EYS: variants seen among roughly 807,000 people sequenced by gnomAD.
The protein encoded by EYS is protein eyes shut homolog.
Under a neutral mutation model 282.1 loss-of-function variants are expected in EYS, and 250 were observed. The observed-to-expected ratio is 0.89, with a 90% CI of 0.80 to 0.98. The LOEUF is 0.98. Among genes scored for constraint, EYS ranks in the 50% least tolerant of loss-of-function variants. The probability of loss-of-function intolerance (pLI) is 0.00; values close to 1 mark genes in which losing one functional copy is unlikely to be tolerated. For synonymous variants in EYS, 1,355 were observed against 1,282.9 expected, an observed-to-expected ratio of 1.06 and a Z score of -1.20; for missense variants, 4,016 against 3,709.0, an observed-to-expected ratio of 1.08 and a Z score of -2.15.
intron 2 of EYS, among the ~76,000 whole-genome samples, chr6:65,540,110 A>G (rs1171453191): frequency 6.6e-6 from 1 of 152,240 alleles, no homozygotes; most frequent in Non-Finnish European, 1.5e-5. Flanking sequence ...AGTTTTTAAC[A>G]GAATCGTAAA....
chr6:64,752,414 G>C (rs1772787946), intron 22 of EYS, among the ~76,000 whole-genome samples: 1 of 152,054 alleles, frequency 6.6e-6, no homozygotes, highest in Non-Finnish European at 1.5e-5. Flanking sequence ...AAGAATTTCA[G>C]AGCTTGAAGA....
At position 63,720,989 on chromosome 6, in the gene EYS, A is replaced by G; in HGVS notation, c.9042T>C (p.His3014=). The G allele has an allele frequency of 6.4e-7, 1 of 1,551,374 alleles. No homozygotes were observed. Among genetic ancestry groups the G allele is most frequent in the Non-Finnish European group, 8.7e-7 (1 of 1,146,798 alleles). Residue 3014 remains histidine (H), a synonymous_variant, in exon 43 of 43, where the codon CAT becomes CAC. Coordinates refer to ENST00000503581, the MANE Select transcript of EYS (RefSeq NM_001142800.2). The part of the protein sequence containing the change: ...EENDFLAIGL[H]NQTLKIAVNL... ...TAACTGCTATTTTCAAGGTCTGATT[A>G]TGGAGACCAATTGCCAGAAAATCAT...
chr6:63,982,760 A>AG (rs1767160858), intron 35 of EYS, among the ~76,000 whole-genome samples: 1 of 151,694 alleles, frequency 6.6e-6, no homozygotes. Context: ...CAATAACAGG[A>AG]GGGGGATTGC....
At chr6:65,421,142 C>T (rs940064800) in intron 5 of EYS, among the ~76,000 whole-genome samples, 1 of 151,872 alleles carries the variant, frequency 6.6e-6, no homozygotes, top group Admixed American at 6.6e-5. Context: ...CTTTTCCTCT[C>T]TAGCTGTGAA....
chr6:65,630,541 G>A (rs980441777), intron 2 of EYS, among the ~76,000 whole-genome samples: 4 of 152,066 alleles, frequency 2.6e-5, no homozygotes, highest in African/African-American at 9.7e-5. Flanking sequence ...AAACTCAACA[G>A]CAATATTTTA....
chr6:64,627,132 T>A (rs1193384724), intron 22 of EYS, among the ~76,000 whole-genome samples: 1 of 152,216 alleles, frequency 6.6e-6, no homozygotes, highest in African/African-American at 2.4e-5. Context: ...AGATACAGAT[T>A]TGTCGAGTGC....
intron 26 of EYS, among the ~76,000 whole-genome samples, chr6:64,506,053 C>T (rs1777198782): frequency 6.6e-6 from 1 of 152,118 alleles, no homozygotes; most frequent in Non-Finnish European, 1.5e-5. Context: ...CATGCAATCT[C>T]CTGAAAATCT....
chr6:64,137,664 C>T (rs1377676381), intron 31 of EYS, among the ~76,000 whole-genome samples: 3 of 152,054 alleles, frequency 2.0e-5, no homozygotes, highest in Non-Finnish European at 2.9e-5. Flanking sequence ...GTTGGTGGAA[C>T]AGTCAGAACA....
intron 26 of EYS, among the ~76,000 whole-genome samples, chr6:64,511,214 C>T (rs1293043500): frequency 7.3e-6 from 1 of 136,328 alleles, no homozygotes; most frequent in Non-Finnish European, 1.5e-5. Context: ...GCCACCACAA[C>T]TCTCTCTCTA....
rs1310136002 is a variant in EYS, at chr6:64,218,137, C to T, written c.6424+12455G>A. Among the ~76,000 whole-genome samples the T allele has an allele frequency of 3.9e-5, 6 of 152,204 alleles. No individual in the cohort carries two copies. The East Asian group carries it at 7.7e-4, about 20-fold the overall frequency. ...TAGCATGATCTCTAGCAGCATGAGGCCCTGTCCCTAGGATGACCCCAGTTC... is the reference window on the plus strand; with the variant it reads ...TAGCATGATCTCTAGCAGCATGAGGTCCTGTCCCTAGGATGACCCCAGTTC... On this transcript the variant is annotated intron_variant, in intron 31 of 42. Transcript: ENST00000503581.
chr6:64,203,496 C>T (rs980389741), intron 31 of EYS, among the ~76,000 whole-genome samples: 6 of 152,222 alleles, frequency 3.9e-5, no homozygotes, highest in African/African-American at 1.4e-4. Context: ...TATTTGGGTC[C>T]CCTAAAGTAC....
intron 12 of EYS, among the ~76,000 whole-genome samples, chr6:65,262,063 A>T (rs960934037): frequency 6.6e-6 from 1 of 152,044 alleles, no homozygotes; most frequent in Non-Finnish European, 1.5e-5. Flanking sequence ...TCATGTTGAG[A>T]TTTATCCTGT....
chr6:64,156,395 C>T (rs972898545), intron 31 of EYS, among the ~76,000 whole-genome samples: 1 of 151,944 alleles, frequency 6.6e-6, no homozygotes, highest in African/African-American at 2.4e-5. Flanking sequence ...TTTTTTTCCC[C>T]CAGTCTTGAG....
chr6:63,875,772 G>A (rs1464062054), intron 35 of EYS, among the ~76,000 whole-genome samples: 2 of 152,330 alleles, frequency 1.3e-5, no homozygotes, highest in Middle Eastern at 3.4e-3. Context: ...TGTGTTTATA[G>A]TATTCTCTGA....
intron 33 of EYS, among the ~76,000 whole-genome samples, chr6:64,045,223 C>CT (rs901739918): frequency 1.8e-4 from 27 of 150,218 alleles, no homozygotes; most frequent in South Asian, 6.3e-4. Context: ...CTAATTTTTA[C>CT]TTTTTTTTTA....
chr6:64,890,056 C>G (rs182752509), intron 18 of EYS, among the ~76,000 whole-genome samples: 24 of 139,158 alleles, frequency 1.7e-4, no homozygotes, highest in East Asian at 6.1e-4. Flanking sequence ...CCCCCCCCCC[C>G]CAAGGTGTGC....
At chr6:64,101,472 A>T (rs868047437) in intron 31 of EYS, among the ~76,000 whole-genome samples, 21 of 152,198 alleles carry the variant, frequency 1.4e-4, no homozygotes, top group African/African-American at 5.1e-4. Flanking sequence ...GCATGCACAT[A>T]AAAGCAAAAC....
chr6:65,227,170 A>C (rs1766650310), intron 12 of EYS, among the ~76,000 whole-genome samples: 1 of 152,064 alleles, frequency 6.6e-6, no homozygotes, highest in Admixed American at 6.6e-5. Context: ...AAAAAAAAAA[A>C]AAACAAGAAG....
At chr6:65,309,231 A>G (rs2150297255) in intron 11 of EYS, among the ~76,000 whole-genome samples, 1 of 152,104 alleles carries the variant, frequency 6.6e-6, no homozygotes, top group East Asian at 1.9e-4. Context: ...TAGGGAAATA[A>G]TTAGCATGTG....
Sources: gnomAD v4.1 joint callset for allele counts (sites outside exome capture counted in the v4.1 genomes callset) on GRCh38, gnomAD v4.1.1 for gene constraint, MANE v1.5 for transcripts, NCBI Gene and HGNC (gene_info 2026-07-23, HGNC 2026-07-21) for gene names.